Variants in RFX7 observed in about 807,000 individuals in gnomAD.
RFX7 encodes the protein DNA-binding protein RFX7.
RFX7 carries 26 observed loss-of-function variants against 111.8 expected under a neutral mutation model. That is an observed-to-expected ratio of 0.23 (90% CI 0.17 to 0.32). The LOEUF is 0.32. RFX7 is among the 10% of genes least tolerant of loss of function. The pLI, the probability that RFX7 is intolerant of heterozygous loss-of-function variation, is 1.00. For missense variants in RFX7, 1,573 were observed against 1,772.9 expected (o/e 0.89, Z 2.02); for synonymous variants, 624 against 624.4 (o/e 1.00, Z 0.01).
chr15:56,188,792 C>G (rs1297326338), intron 2 of RFX7, among the ~76,000 whole-genome samples: 1 of 152,122 alleles, frequency 6.6e-6, no homozygotes, highest in Non-Finnish European at 1.5e-5. Context: ...GATGTGAGAG[C>G]TGACAAAGAT....
chr15:56,202,413 A>C (rs2043201967), intron 2 of RFX7, among the ~76,000 whole-genome samples: 1 of 152,204 alleles, frequency 6.6e-6, no homozygotes, highest in African/African-American at 2.4e-5. Flanking sequence ...TCTCAATTTG[A>C]TTTAGCCACA....
intron 5 of RFX7, among the ~76,000 whole-genome samples, chr15:56,141,247 C>A (rs1282100657): frequency 1.4e-5 from 2 of 144,922 alleles, no homozygotes; most frequent in African/African-American, 5.2e-5. Flanking sequence ...ACTCAGAGGG[C>A]TGAGGCAGGA....
intron 9 of RFX7, among the ~76,000 whole-genome samples, chr15:56,097,608 G>T (rs2041696634): frequency 6.6e-6 from 1 of 151,692 alleles, no homozygotes; most frequent in South Asian, 2.1e-4. Flanking sequence ...TTAGCTGGGT[G>T]TGGTGGTGAG....
intron 5 of RFX7, among the ~76,000 whole-genome samples, chr15:56,134,331 ACT>A (rs2042260557): frequency 6.6e-6 from 1 of 152,134 alleles, no homozygotes; most frequent in African/African-American, 2.4e-5. Flanking sequence ...CGCTCTAATC[ACT>A]CTTACTATAA....
chr15:56,123,466 C>T lies in RFX7; in HGVS notation c.401+19312G>A, dbSNP rs762511684. Among the ~76,000 whole-genome samples the T allele has an allele frequency of 1.0e-3, 154 of 152,302 alleles. 3 individuals carry two copies. Among genetic ancestry groups the T allele is most frequent in the Non-Finnish European group, 4.4e-5 (3 of 68,022 alleles). On this transcript the variant is annotated intron_variant, in intron 5 of 9. Coordinates refer to ENST00000559447, the MANE Select transcript of RFX7 (RefSeq NM_022841.7). ...TTAAGATAAAGTCCTCTTCACGTTTCCTTCTCCTCTCCTCAAGTGGAAGGA... is the reference window on the plus strand; with the variant it reads ...TTAAGATAAAGTCCTCTTCACGTTTTCTTCTCCTCTCCTCAAGTGGAAGGA...
intron 3 of RFX7, among the ~76,000 whole-genome samples, chr15:56,163,942 A>G (rs2141092345): frequency 6.6e-6 from 1 of 152,298 alleles, no homozygotes; most frequent in Admixed American, 6.5e-5. Context: ...ATCTAACACA[A>G]AAGCCACAAA....
At chr15:56,119,643 GGTGC>G (rs1426457760) in intron 5 of RFX7, among the ~76,000 whole-genome samples, 1 of 151,970 alleles carries the variant, frequency 6.6e-6, no homozygotes, top group Non-Finnish European at 1.5e-5. Context: ...TAGGCATGGT[GGTGC>G]GTGCCTATAG....
chr15:56,215,734 G>A (rs185213455), intron 2 of RFX7, among the ~76,000 whole-genome samples: 91 of 152,250 alleles, frequency 6.0e-4, no homozygotes, highest in African/African-American at 2.1e-3. Context: ...ATTTATTGCT[G>A]TATAATAAAC....
intron 8 of RFX7, among the ~76,000 whole-genome samples, chr15:56,101,144 C>T (rs2041746512): frequency 6.6e-6 from 1 of 152,000 alleles, no homozygotes; most frequent in Non-Finnish European, 1.5e-5. Flanking sequence ...GCCAGCAAAG[C>T]AATATATAGA....
chr15:56,103,937 T>C (rs2041795240), intron 5 of RFX7, among the ~76,000 whole-genome samples: 1 of 152,146 alleles, frequency 6.6e-6, no homozygotes, highest in Non-Finnish European at 1.5e-5. Context: ...AGTTTTCGAA[T>C]TACAATCCCA....
chr15:56,172,895 G>A (rs551023492), intron 3 of RFX7, among the ~76,000 whole-genome samples: 1 of 152,258 alleles, frequency 6.6e-6, no homozygotes, highest in South Asian at 2.1e-4. Flanking sequence ...ACCTGATACT[G>A]CAGCAACTCT....
At chr15:56,150,625 G>C (rs150497759) in intron 3 of RFX7, among the ~76,000 whole-genome samples, 1 of 152,146 alleles carries the variant, frequency 6.6e-6, no homozygotes, top group African/African-American at 2.4e-5. Flanking sequence ...AACGCAAAAC[G>C]GCTAACAATT....
chr15:56,209,469 A>G (rs1203193248), intron 2 of RFX7, among the ~76,000 whole-genome samples: 4 of 152,122 alleles, frequency 2.6e-5, no homozygotes, highest in Admixed American at 2.6e-4. Flanking sequence ...CAAAATGCAA[A>G]TCTGTGTAAA....
chr15:56,128,899 T>C (rs1329321337), intron 5 of RFX7, among the ~76,000 whole-genome samples: 1 of 152,108 alleles, frequency 6.6e-6, no homozygotes, highest in Non-Finnish European at 1.5e-5. Flanking sequence ...CTTATTTCTA[T>C]ATATTGGCAA....
intron 2 of RFX7, among the ~76,000 whole-genome samples, chr15:56,213,438 AAG>A (rs1316701780): frequency 6.6e-6 from 1 of 152,226 alleles, no homozygotes; most frequent in Non-Finnish European, 1.5e-5. Flanking sequence ...CCCATCCCAA[AAG>A]ATGACTTATG....
At chr15:56,234,937 A>G (rs2043606374) in intron 2 of RFX7, among the ~76,000 whole-genome samples, 1 of 152,200 alleles carries the variant, frequency 6.6e-6, no homozygotes, top group Admixed American at 6.5e-5. Flanking sequence ...ATTAAATTAC[A>G]CAACTCAGAT....
chr15:56,175,346 G>A (rs2042892410), intron 3 of RFX7, among the ~76,000 whole-genome samples: 1 of 152,100 alleles, frequency 6.6e-6, no homozygotes, highest in South Asian at 2.1e-4. Context: ...CATCAATTGT[G>A]TCCAAATTGA....
chr15:56,222,123 T>C (rs2043432873), intron 2 of RFX7, among the ~76,000 whole-genome samples: 1 of 152,346 alleles, frequency 6.6e-6, no homozygotes, highest in African/African-American at 2.4e-5. Flanking sequence ...TTCAGAAATA[T>C]ATTTTTGTTT....
chr15:56,203,222 T>A (rs1023348167), intron 2 of RFX7, among the ~76,000 whole-genome samples: 1 of 152,152 alleles, frequency 6.6e-6, no homozygotes, highest in African/African-American at 2.4e-5. Context: ...CTGGAACAGA[T>A]AGAAAACTGC....
Sources: gnomAD v4.1 joint callset for allele counts (sites outside exome capture counted in the v4.1 genomes callset) on GRCh38, gnomAD v4.1.1 for gene constraint, MANE v1.5 for transcripts, NCBI Gene and HGNC (gene_info 2026-07-23, HGNC 2026-07-21) for gene names.